SERPINI2: variants seen among roughly 807,000 people sequenced by gnomAD.
The protein encoded by SERPINI2 is serpin I2.
Under a neutral mutation model 47.3 loss-of-function variants are expected in SERPINI2, and 48 were observed. The ratio of observed to expected loss-of-function variants is 1.02; its 90% CI spans 0.81 to 1.29. The LOEUF (loss-of-function observed/expected upper bound fraction) is 1.29, where lower values mean the gene tolerates loss of function less well. Ranked by LOEUF, SERPINI2 falls within the 50% of genes most tolerant of loss-of-function variation. The pLI, the probability that SERPINI2 is intolerant of heterozygous loss-of-function variation, is 0.00. For synonymous variants in SERPINI2, 135 were observed against 149.3 expected (o/e 0.90, Z 0.70); for missense variants, 448 against 456.9 (o/e 0.98, Z 0.18).
At chr3:167,473,719 T>C (rs1257501470) in intron 1 of SERPINI2, 1 of 1,413,352 alleles carries the variant, frequency 7.1e-7, no homozygotes, top group African/African-American at 1.4e-5. Context: ...CAAATATTGG[T>C]TTTAAAAACT....
At chr3:167,457,064 G>A (rs181292841) in intron 5 of SERPINI2, among the ~76,000 whole-genome samples, 1 of 152,092 alleles carries the variant, frequency 6.6e-6, no homozygotes. Context: ...TTCAACAATT[G>A]ACAAAAGGTA....
chr3:167,473,000 C>G (rs1750380626), intron 1 of SERPINI2, among the ~76,000 whole-genome samples: 1 of 151,598 alleles, frequency 6.6e-6, no homozygotes, highest in African/African-American at 2.4e-5. Flanking sequence ...TAAGTAGAGA[C>G]TTACATTTCT....
At chr3:167,457,476 C>T (rs1362587211) in intron 5 of SERPINI2, among the ~76,000 whole-genome samples, 1 of 152,172 alleles carries the variant, frequency 6.6e-6, no homozygotes, top group East Asian at 1.9e-4. Flanking sequence ...ATAATTTCAC[C>T]AGTTCCTTAC....
At chr3:167,472,536 C>T (rs1750362528) in intron 1 of SERPINI2, among the ~76,000 whole-genome samples, 1 of 151,624 alleles carries the variant, frequency 6.6e-6, no homozygotes, top group Admixed American at 6.6e-5. Flanking sequence ...TCATTTATAC[C>T]CCAAACCTTA....
At chr3:167,466,933 G>A (rs1362259375) in intron 3 of SERPINI2, 122 bp downstream of exon 3, 2 of 508,744 alleles carry the variant, frequency 3.9e-6, no homozygotes, top group East Asian at 3.2e-5. Context: ...AAATGAAATA[G>A]GATATTTGAT....
intron 2 of SERPINI2, among the ~76,000 whole-genome samples, chr3:167,467,653 T>C (rs773033445): frequency 2.6e-5 from 4 of 152,200 alleles, no homozygotes; most frequent in Non-Finnish European, 5.9e-5. Flanking sequence ...GTGATACCTA[T>C]GAAAAGGGAA....
At chr3:167,473,800 A>C (rs1750406933) in intron 1 of SERPINI2, 1 of 1,447,640 alleles carries the variant, frequency 6.9e-7, no homozygotes, top group Non-Finnish European at 9.1e-7. Flanking sequence ...AAACAACCTG[A>C]TGAATAGTCC....
At chr3:167,443,740 A>G (rs756996393) in intron 8 of SERPINI2, among the ~76,000 whole-genome samples, 37 of 152,202 alleles carry the variant, frequency 2.4e-4, no homozygotes, top group Non-Finnish European at 4.6e-4. Context: ...AGAATGTTAC[A>G]TAAAACCCAT....
At chr3:167,459,078 G>GTTTGTTTTTTTTTTTT (rs1560233541) in intron 5 of SERPINI2, among the ~76,000 whole-genome samples, 2 of 139,026 alleles carry the variant, frequency 1.4e-5, no homozygotes, top group African/African-American at 5.3e-5. Flanking sequence ...GTTTTTTTTT[G>GTTTGTTTTTTTTTTTT]TTTTTTTTTT....
chr3:167,465,759 G>T (rs996316302), intron 3 of SERPINI2, 86 bp from the exon 4 acceptor site: 12 of 1,153,672 alleles, frequency 1.0e-5, no homozygotes, highest in Admixed American at 5.5e-5. Flanking sequence ...AAGCAAAAGT[G>T]TCTTTTGCAG....
At chr3:167,455,382 A>AC (rs1749754890) in intron 5 of SERPINI2, among the ~76,000 whole-genome samples, 1 of 152,156 alleles carries the variant, frequency 6.6e-6, no homozygotes, top group African/African-American at 2.4e-5. Context: ...TTTAAGAATG[A>AC]CCTACTTCTG....
intron 6 of SERPINI2, among the ~76,000 whole-genome samples, chr3:167,449,906 C>T (rs2108153997): frequency 6.6e-6 from 1 of 152,296 alleles, no homozygotes; most frequent in Non-Finnish European, 1.5e-5. Flanking sequence ...CCAGAGATGA[C>T]ATATATACAG....
At chr3:167,463,132 A>G (rs958629066) in intron 5 of SERPINI2, among the ~76,000 whole-genome samples, 3 of 152,096 alleles carry the variant, frequency 2.0e-5, no homozygotes, top group Non-Finnish European at 4.4e-5. Context: ...TTTCAAACTC[A>G]GTAATTTTTT....
chr3:167,466,289 C>T (rs78084873), intron 3 of SERPINI2, among the ~76,000 whole-genome samples: 2 of 152,164 alleles, frequency 1.3e-5, no homozygotes, highest in Admixed American at 1.3e-4. Flanking sequence ...GCTTATCTCA[C>T]ACTTTCAACT....
chr3:167,444,560 T>C (rs1407600662), intron 8 of SERPINI2, among the ~76,000 whole-genome samples: 1 of 152,200 alleles, frequency 6.6e-6, no homozygotes, highest in African/African-American at 2.4e-5. Flanking sequence ...CAATGATTTC[T>C]TGAGTTCATT....
intron 5 of SERPINI2, among the ~76,000 whole-genome samples, chr3:167,457,343 C>T (rs1258918810): frequency 6.6e-6 from 1 of 152,168 alleles, no homozygotes; most frequent in East Asian, 1.9e-4. Flanking sequence ...TCCATGGTGC[C>T]CAGGTAAGGA....
At chr3:167,451,035 T>C (rs1445424362) in intron 6 of SERPINI2, among the ~76,000 whole-genome samples, 1 of 152,214 alleles carries the variant, frequency 6.6e-6, no homozygotes, top group African/African-American at 2.4e-5. Context: ...TACATTGTTA[T>C]TAAATTAAGA....
chr3:167,459,879 C>T (rs547998919), intron 5 of SERPINI2, among the ~76,000 whole-genome samples: 27 of 152,168 alleles, frequency 1.8e-4, no homozygotes, highest in African/African-American at 6.0e-4. Context: ...CCAATATGAT[C>T]GGTGTCCTTA....
intron 5 of SERPINI2, among the ~76,000 whole-genome samples, chr3:167,463,313 A>T (rs2108166807): frequency 6.6e-6 from 1 of 152,194 alleles, no homozygotes; most frequent in East Asian, 1.9e-4. Context: ...TATTCTTTGA[A>T]AAAAAGAATA....
Sources: allele counts gnomAD v4.1 joint callset (sites outside exome capture counted in the v4.1 genomes callset), GRCh38; gene constraint gnomAD v4.1.1; transcripts MANE v1.5; gene names NCBI Gene and HGNC (gene_info 2026-07-23, HGNC 2026-07-21).